Variants in SHTN1 observed in about 807,000 individuals in gnomAD.
SHTN1 encodes shootin 1.
Under a neutral mutation model 83.1 loss-of-function variants are expected in SHTN1, and 42 were observed. The ratio of observed to expected loss-of-function variants is 0.51; its 90% CI spans 0.39 to 0.65. The LOEUF (loss-of-function observed/expected upper bound fraction) is 0.65. Among genes scored for constraint, SHTN1 ranks in the 30% least tolerant of loss-of-function variants. The pLI, the probability that SHTN1 is intolerant of heterozygous loss-of-function variation, is 0.00. For synonymous variants in SHTN1, 224 were observed against 247.7 expected (o/e 0.90, Z 0.90); for missense variants, 622 against 737.8 (o/e 0.84, Z 1.82).
intron 1 of SHTN1, among the ~76,000 whole-genome samples, chr10:116,983,687 AATACATACATAC>A (rs3981231): frequency 1.0e-3 from 61 of 60,332 alleles, no homozygotes; most frequent in East Asian, 9.8e-3. Flanking sequence ...TAGATAGATA[AATACATACATAC>A]ATACATACAT....
At position 116,963,971 on chromosome 10, in the gene SHTN1, C is replaced by CT. The variant is rs369112337; in HGVS notation, c.173-3742dup. 3.6e-3 allele frequency among the ~76,000 whole-genome samples: 263 copies of CT among 72,440 alleles called. 1 individual carries two copies. The highest frequency in any genetic ancestry group is 6.1e-3 in the Admixed American group (40 of 6,530). 47.5% of individuals were successfully genotyped at this position (72,440 alleles called of 152,430 possible). A position where few individuals can be genotyped will look rare whatever the true frequency, so the allele number is the denominator to read the frequency against. ...TAGTACACATCACATTGTAGGGTAA[C>CT]TGTTTTTTTTTTTTTTTACTTGTTT... On this transcript the variant is annotated intron_variant, in intron 3 of 16. Transcript: ENST00000355371.
intron 1 of SHTN1, among the ~76,000 whole-genome samples, chr10:117,095,464 G>C (rs935319129): frequency 2.8e-4 from 43 of 152,274 alleles, no homozygotes; most frequent in African/African-American, 9.1e-4. Flanking sequence ...ATTAAGGTTT[G>C]CTTCGAAAAT....
chr10:116,960,369 T>A, intron 3 of SHTN1, 139 bp from the exon 4 acceptor site: 1 of 549,176 alleles, frequency 1.8e-6, no homozygotes, highest in Non-Finnish European at 3.2e-6. Context: ...AAAAGGTTTT[T>A]GAGAAGCTGC....
At chr10:117,122,500 T>C (rs1231511879) in intron 1 of SHTN1, among the ~76,000 whole-genome samples, 1 of 152,182 alleles carries the variant, frequency 6.6e-6, no homozygotes, top group Non-Finnish European at 1.5e-5. Flanking sequence ...TAAAATATTT[T>C]CGATCCATAG....
chr10:116,928,990 T>C (rs949914262), intron 10 of SHTN1, among the ~76,000 whole-genome samples: 16 of 152,228 alleles, frequency 1.1e-4, no homozygotes, highest in African/African-American at 3.9e-4. Flanking sequence ...GCTACTCTGA[T>C]ATTCACTAAA....
chr10:117,108,074 A>G (rs1853698176), intron 1 of SHTN1, among the ~76,000 whole-genome samples: 1 of 152,214 alleles, frequency 6.6e-6, no homozygotes, highest in Non-Finnish European at 1.5e-5. Flanking sequence ...CTAGCAAAAC[A>G]TGTACCTGTG....
At chr10:116,911,181 G>A (rs1191118775) in intron 14 of SHTN1, among the ~76,000 whole-genome samples, 4 of 152,192 alleles carry the variant, frequency 2.6e-5, no homozygotes, top group Admixed American at 6.5e-5. Context: ...GAGTGCAGTA[G>A]CCGCTGATTC....
chr10:116,922,733 G>C (rs1453796651), intron 11 of SHTN1, among the ~76,000 whole-genome samples: 1 of 152,180 alleles, frequency 6.6e-6, no homozygotes, highest in Non-Finnish European at 1.5e-5. Flanking sequence ...GGGAGGCCAA[G>C]GTGGGCAGAT....
intron 1 of SHTN1, among the ~76,000 whole-genome samples, chr10:117,075,495 G>C (rs1853139321): frequency 1.3e-5 from 2 of 152,198 alleles, no homozygotes; most frequent in African/African-American, 4.8e-5. Flanking sequence ...ACCAAGAAAA[G>C]CATGGCCTGG....
chr10:117,095,552 G>C (rs545748824), intron 1 of SHTN1, among the ~76,000 whole-genome samples: 28 of 152,170 alleles, frequency 1.8e-4, no homozygotes, highest in Non-Finnish European at 4.0e-4. Context: ...TAGGGACCAG[G>C]AGACTGACTT....
Position 116,954,181 on chromosome 10 carries a change from T to C in SHTN1, c.297A>G (p.Arg99=), listed in dbSNP as rs1278369605. ...KLNKENKTLK[R]ISMLYMAKLG... ...GCTTGGCCATGTACAACATGCTGATTCTTTTCAACGTTTTATTTTCTTTAT... is the reference window on the plus strand; with the variant it reads ...GCTTGGCCATGTACAACATGCTGATCCTTTTCAACGTTTTATTTTCTTTAT... The change falls in exon 5 of 17, where the codon AGA becomes AGG. Residue 99 remains arginine (R), a synonymous_variant. Coordinates refer to ENST00000355371, the MANE Select transcript of SHTN1 (RefSeq NM_001127211.3). The C allele has an allele frequency of 6.2e-7, 1 of 1,609,732 alleles. No individual in the cohort carries two copies. Among genetic ancestry groups the C allele is most frequent in the Non-Finnish European group, 8.5e-7 (1 of 1,178,630 alleles).
At position 116,967,978 on chromosome 10, in the gene SHTN1, C is replaced by T. The variant is rs574847241; in HGVS notation, c.172+674G>A. On this transcript the variant is annotated intron_variant, in intron 3 of 16. Transcript: ENST00000355371. Reference sequence around the variant, plus strand: ...GCAGGAGGATCACGAGGTCAAGAGACCAGGACCATCCTGGCCAATATGGTG... The same window carrying T: ...GCAGGAGGATCACGAGGTCAAGAGATCAGGACCATCCTGGCCAATATGGTG... Among the ~76,000 whole-genome samples, 112 of 152,164 alleles carry T rather than the reference C, an allele frequency of 7.4e-4. 2 individuals carry two copies. In the South Asian group the frequency reaches 0.022, roughly 30 times the overall value.
intron 1 of SHTN1, among the ~76,000 whole-genome samples, chr10:116,985,413 G>A (rs1284466142): frequency 6.6e-6 from 1 of 152,162 alleles, no homozygotes; most frequent in African/African-American, 2.4e-5. Context: ...GAGCATTACT[G>A]TGTGCAATGC....
At chr10:117,063,357 T>G (rs1852928971) in intron 1 of SHTN1, among the ~76,000 whole-genome samples, 1 of 152,132 alleles carries the variant, frequency 6.6e-6, no homozygotes, top group African/African-American at 2.4e-5. Context: ...CACCAGGCCC[T>G]CTGCTCCACG....
chr10:116,913,612 T>C (rs1190514445), intron 13 of SHTN1, among the ~76,000 whole-genome samples: 1 of 152,258 alleles, frequency 6.6e-6, no homozygotes, highest in Non-Finnish European at 1.5e-5. Context: ...ACTAATTTTG[T>C]TTCTTTATGG....
upstream of SHTN1, chr10:117,005,227 G>C: frequency 2.0e-6 from 3 of 1,499,316 alleles, no homozygotes; most frequent in Non-Finnish European, 1.8e-6. Flanking sequence ...TCCTGGCGCG[G>C]AGCGCGCGAG....
chr10:117,122,235 C>T (rs1018315760), intron 1 of SHTN1, among the ~76,000 whole-genome samples: 1 of 152,038 alleles, frequency 6.6e-6, no homozygotes, highest in Non-Finnish European at 1.5e-5. Context: ...AGTGCAGTAG[C>T]ATGAACACTG....
chr10:117,004,141 C>T (rs941553051), intron 1 of SHTN1, among the ~76,000 whole-genome samples: 1 of 152,180 alleles, frequency 6.6e-6, no homozygotes, highest in African/African-American at 2.4e-5. Context: ...CCTGCCTCGG[C>T]CTCCCAAATT....
chr10:117,038,304 AT>A (rs56058010), intron 2 of SHTN1, among the ~76,000 whole-genome samples: 126,701 of 144,206 alleles, frequency 0.88, 56,791 homozygotes, highest in Non-Finnish European at 0.98. Context: ...ATACCCAGCT[AT>A]TTTTTTTTTT....
Sources: allele counts gnomAD v4.1 joint callset (sites outside exome capture counted in the v4.1 genomes callset), GRCh38; gene constraint gnomAD v4.1.1; transcripts MANE v1.5; gene names NCBI Gene and HGNC (gene_info 2026-07-23, HGNC 2026-07-21).